The following TTLL2 variants were observed in gnomAD, a reference collection of about 807,000 sequenced individuals.
TTLL2 encodes tubulin tyrosine ligase like 2.
TTLL2 carries 10 observed loss-of-function variants against 7.5 expected under a neutral mutation model. The observed-to-expected ratio is 1.33, with a 90% CI of 0.82 to 2.25. The LOEUF (loss-of-function observed/expected upper bound fraction) is 2.25, where lower values mean the gene tolerates loss of function less well. Ranked by LOEUF, TTLL2 falls within the 30% of genes most tolerant of loss-of-function variation. TTLL2 has a pLI of 0.00. For missense variants in TTLL2, 733 were observed against 735.7 expected, an observed-to-expected ratio of 1.00 and a Z score of 0.04; for synonymous variants, 284 against 280.3, an observed-to-expected ratio of 1.01 and a Z score of -0.13.
chr6:167,336,265 C>G (rs1304027494), intron 1 of TTLL2, among the ~76,000 whole-genome samples: 1 of 152,042 alleles, frequency 6.6e-6, no homozygotes, highest in African/African-American at 2.4e-5. Context: ...TTCCCACCAA[C>G]AGTGTATGAG....
chr6:167,334,525 C>T (rs1778962410), intron 1 of TTLL2, among the ~76,000 whole-genome samples: 1 of 151,770 alleles, frequency 6.6e-6, no homozygotes, highest in South Asian at 2.1e-4. Context: ...AACCCTAAGC[C>T]AAAAGAACAA....
Position 167,341,343 on chromosome 6 carries a change from A to G in TTLL2, c.1443A>G (p.Glu481=), listed in dbSNP as rs1779093159. 1 of 1,613,826 alleles carries G rather than the reference A, an allele frequency of 6.2e-7. No individual in the cohort carries two copies. Among genetic ancestry groups the G allele is most frequent in the Non-Finnish European group, 8.5e-7 (1 of 1,179,990 alleles). ...AGAAAGCTGTGAGTGTGCGTCCTGA[A>G]GCTGCACCTGCCTCCCAGCTGGAAG... is the stretch of plus-strand genomic sequence containing the variant. ...VVEKAVSVRP[E]AAPASQLEGE... is the part of the protein sequence containing the mutation. The change falls in exon 3 of 3, where the codon GAA becomes GAG. Residue 481 remains glutamate, a synonymous_variant. Transcript: ENST00000239587.
chr6:167,327,365 C>G (rs1453985274), intron 1 of TTLL2, among the ~76,000 whole-genome samples: 2 of 152,072 alleles, frequency 1.3e-5, no homozygotes, highest in Non-Finnish European at 2.9e-5. Context: ...GATCTTGGAG[C>G]CCACCAGGAA....
intron 1 of TTLL2, among the ~76,000 whole-genome samples, chr6:167,329,436 G>T (rs58797211): frequency 0.086 from 13,062 of 152,068 alleles, 1,505 homozygotes; most frequent in African/African-American, 0.25. Flanking sequence ...CCCGGAGAGC[G>T]GTTTTAGTTG....
At chr6:167,328,319 T>C (rs1242122334) in intron 1 of TTLL2, 3 of 320,156 alleles carry the variant, frequency 9.4e-6, no homozygotes, top group Admixed American at 3.8e-5. Flanking sequence ...CCCGCAGTGA[T>C]GGAATACATT....
chr6:167,338,356 CACA>C (rs1583112198), intron 1 of TTLL2, among the ~76,000 whole-genome samples: 1 of 148,006 alleles, frequency 6.8e-6, no homozygotes, highest in African/African-American at 2.7e-5. Flanking sequence ...TCACACAACA[CACA>C]ACATACAGAC....
In TTLL2 at chr6:167,341,259, T is replaced by C; in HGVS notation, c.1359T>C (p.Leu453=). ...DRGGLDAPDC[L]PYDSLSFTSR... The stretch of plus-strand genomic sequence containing the variant: ...GTGGGCTTGATGCTCCTGACTGTCT[T>C]CCTTATGATTCTCTTTCGTTCACAA... Residue 453 remains leucine (L), a synonymous_variant, in exon 3 of 3, where the codon CTT becomes CTC. Coordinates refer to ENST00000239587, the MANE Select transcript of TTLL2 (RefSeq NM_031949.5). 1 of 1,613,622 alleles carries C rather than the reference T, an allele frequency of 6.2e-7. No individual in the cohort carries two copies. The highest frequency in any genetic ancestry group is 8.5e-7 in the Non-Finnish European group (1 of 1,179,964).
intron 1 of TTLL2, among the ~76,000 whole-genome samples, chr6:167,334,159 T>C (rs1205508384): frequency 3.5e-5 from 5 of 143,630 alleles, no homozygotes; most frequent in African/African-American, 1.1e-4. Flanking sequence ...TTCTCGTTGG[T>C]TTCAAAGAAC....
intron 1 of TTLL2, among the ~76,000 whole-genome samples, chr6:167,330,884 T>C (rs1241946703): frequency 6.6e-6 from 1 of 152,100 alleles, no homozygotes; most frequent in Non-Finnish European, 1.5e-5. Context: ...GCGTGGGCAT[T>C]CCCGTGATCC....
In TTLL2 at chr6:167,340,634, A is replaced by G. The variant is rs1562373745; in HGVS notation, c.734A>G (p.Asn245Ser). The G allele has an allele frequency of 6.2e-7, 1 of 1,614,080 alleles. No homozygotes were observed. Among genetic ancestry groups the G allele is most frequent in the African/African-American group, 1.3e-5 (1 of 74,922 alleles). The change falls in exon 3 of 3, where the codon AAT (asparagine) becomes AGT (serine). Residue 245 changes from asparagine (N) to serine (S), a missense_variant. Transcript: ENST00000239587. The stretch of plus-strand genomic sequence containing the variant: ...TACATAGTGCAGAAATATATCTCCA[A>G]TCCTTTACTTATTGGCAGATATAAA... ...DMYIVQKYISNPLLIGRYKCD... is the reference protein window; with the variant it reads ...DMYIVQKYISSPLLIGRYKCD...
At chr6:167,338,488 CTT>C (rs1779022724) in intron 1 of TTLL2, among the ~76,000 whole-genome samples, 157 bp from the exon 2 acceptor site, 1 of 111,722 alleles carries the variant, frequency 9.0e-6, no homozygotes, top group South Asian at 3.5e-4. Flanking sequence ...CTGCTTGAAA[CTT>C]ATTGATAGCA....
chr6:167,329,259 A>G (rs1314671941), intron 1 of TTLL2, among the ~76,000 whole-genome samples: 1 of 152,166 alleles, frequency 6.6e-6, no homozygotes, highest in Non-Finnish European at 1.5e-5. Context: ...TAGTTTACAT[A>G]TTAGTAGCAA....
chr6:167,337,748 G>T (rs1779007599), intron 1 of TTLL2, among the ~76,000 whole-genome samples: 1 of 151,572 alleles, frequency 6.6e-6, no homozygotes, highest in Non-Finnish European at 1.5e-5. Context: ...TTCCACTCTG[G>T]ATTTCCTCCT....
chr6:167,326,074 G>C (rs1188926950), intron 1 of TTLL2, among the ~76,000 whole-genome samples: 1 of 152,108 alleles, frequency 6.6e-6, no homozygotes, highest in African/African-American at 2.4e-5. Context: ...GGCAAAGTCA[G>C]CTCTCCCAAC....
rs187521268 is a variant in TTLL2 at position 167,336,474 on chromosome 6, C to T, written c.48-2173C>T. 2.3e-3 allele frequency among the ~76,000 whole-genome samples: 343 copies of T among 152,052 alleles called. 6 individuals carry two copies. The highest frequency in any genetic ancestry group is 7.9e-3 in the African/African-American group (328 of 41,450). Reference sequence around the variant, plus strand: ...TATACTATTTAGAATATAAATTAAGCATATAAATATATAATTAAATCAATT... The same window carrying T: ...TATACTATTTAGAATATAAATTAAGTATATAAATATATAATTAAATCAATT... On this transcript the variant is annotated intron_variant, in intron 1 of 2. Transcript: ENST00000239587.
chr6:167,334,495 T>C (rs1468276928), intron 1 of TTLL2, among the ~76,000 whole-genome samples: 3 of 152,046 alleles, frequency 2.0e-5, no homozygotes, highest in Non-Finnish European at 4.4e-5. Context: ...TTCCTGGGTA[T>C]CCTTGTTGAC....
chr6:167,327,978 C>T (rs1778869325), intron 1 of TTLL2: 2 of 456,022 alleles, frequency 4.4e-6, no homozygotes, highest in East Asian at 6.9e-5. Context: ...TCTCCTTGAC[C>T]CCAAAATATT....
Position 167,341,195 on chromosome 6 carries a change from A to T in TTLL2, c.1295A>T (p.His432Leu), listed in dbSNP as rs754185512. 3.1e-6 allele frequency: 5 copies of T among 1,613,780 alleles called. No homozygotes were observed. The East Asian group carries it at 6.7e-5, about 22-fold the overall frequency. Residue 432 changes from histidine to leucine, a missense_variant, in exon 3 of 3, where the codon CAT (histidine) becomes CTT (leucine). Transcript: ENST00000239587. ...NEGREASNAT[H>L]GNSNIDAAKS... ...GGGAGAGAAGCCAGTAATGCCACAC[A>T]TGGAAATTCCAACATCGACGCTGCA...
Position 167,338,570 on chromosome 6 carries a change from T to C in TTLL2, c.48-77T>C, listed in dbSNP as rs73266976. 4.0e-3 allele frequency: 6,079 copies of C among 1,516,000 alleles called. 215 individuals carry two copies. In the African/African-American group the frequency reaches 0.075, roughly 19 times the overall value. 93.9% of individuals were successfully genotyped at this position (1,516,000 alleles called of 1,614,324 possible). On this transcript the variant is annotated intron_variant, in intron 1 of 2. Coordinates refer to ENST00000239587, the MANE Select transcript of TTLL2 (RefSeq NM_031949.5). ...TTAATAACCATGATGGATTGATCAATTCTGTATGTTCCTTATTAAAGCAAC... is the reference window on the plus strand; with the variant it reads ...TTAATAACCATGATGGATTGATCAACTCTGTATGTTCCTTATTAAAGCAAC...
Sources: gnomAD v4.1 joint callset for allele counts (sites outside exome capture counted in the v4.1 genomes callset) on GRCh38, gnomAD v4.1.1 for gene constraint, MANE v1.5 for transcripts, NCBI Gene and HGNC (gene_info 2026-07-23, HGNC 2026-07-21) for gene names.